The following NRG4 variants were observed in gnomAD, a reference collection of about 807,000 sequenced individuals.
The protein encoded by NRG4 is neuregulin 4.
NRG4 carries 10 observed loss-of-function variants against 15.0 expected under a neutral mutation model. That is an observed-to-expected ratio of 0.67 (90% CI 0.41 to 1.13). The LOEUF (loss-of-function observed/expected upper bound fraction) is 1.13, where lower values mean the gene tolerates loss of function less well. NRG4 is among the 50% of genes most tolerant of loss of function. NRG4 has a pLI of 0.00. For synonymous variants in NRG4, 41 were observed against 50.1 expected (o/e 0.82, Z 0.77); for missense variants, 139 against 140.2 (o/e 0.99, Z 0.04).
chr15:76,013,229 CA>C (rs1359644701), upstream of NRG4, among the ~76,000 whole-genome samples: 27 of 151,948 alleles, frequency 1.8e-4, no homozygotes, highest in Admixed American at 1.7e-3. Flanking sequence ...ACAATCTGTT[CA>C]TTAGGAGAAT....
chr15:75,957,213 T>G (rs2032283532), intron 4 of NRG4, among the ~76,000 whole-genome samples: 1 of 152,210 alleles, frequency 6.6e-6, no homozygotes, highest in Admixed American at 6.5e-5. Flanking sequence ...TAGTAATAGC[T>G]TTCTGTTCTT....
intron 3 of NRG4, among the ~76,000 whole-genome samples, chr15:75,962,739 G>A (rs1260900591): frequency 1.3e-5 from 2 of 152,112 alleles, no homozygotes; most frequent in Non-Finnish European, 2.9e-5. Flanking sequence ...AAAACACAGA[G>A]ATTGATATAA....
intron 2 of NRG4, among the ~76,000 whole-genome samples, chr15:76,055,868 A>G (rs1297447687): frequency 6.6e-6 from 1 of 152,248 alleles, no homozygotes; most frequent in African/African-American, 2.4e-5. Context: ...TAAATTCTCT[A>G]CAGATAATGA....
chr15:75,987,978 G>A (rs191097592), intron 3 of NRG4, among the ~76,000 whole-genome samples: 56 of 152,224 alleles, frequency 3.7e-4, no homozygotes, highest in African/African-American at 1.3e-3. Context: ...AATACAGACA[G>A]GTGTTCTAAT....
chr15:75,965,306 A>C (rs1346778967), intron 3 of NRG4, among the ~76,000 whole-genome samples: 1 of 152,186 alleles, frequency 6.6e-6, no homozygotes, highest in Non-Finnish European at 1.5e-5. Context: ...TTTGAGTTGG[A>C]AGGAGTCAAG....
chr15:76,033,431 A>G (rs1380695882), intron 5 of NRG4, among the ~76,000 whole-genome samples: 1 of 152,220 alleles, frequency 6.6e-6, no homozygotes, highest in Non-Finnish European at 1.5e-5. Flanking sequence ...CTTACTTCAT[A>G]TAACCATTAT....
chr15:76,001,830 T>C (rs2034426689), intron 3 of NRG4, among the ~76,000 whole-genome samples: 1 of 152,164 alleles, frequency 6.6e-6, no homozygotes. Context: ...GAACATATTA[T>C]CTATTTTAAA....
intron 3 of NRG4, among the ~76,000 whole-genome samples, chr15:75,978,083 C>T (rs977167933): frequency 6.6e-6 from 1 of 152,160 alleles, no homozygotes; most frequent in Non-Finnish European, 1.5e-5. Context: ...TCCCAAAGTG[C>T]TGGGATTACA....
chr15:75,961,581 G>A (rs935459918), intron 4 of NRG4, among the ~76,000 whole-genome samples: 19 of 152,162 alleles, frequency 1.2e-4, no homozygotes, highest in Admixed American at 3.9e-4. Context: ...GCTATAGTGA[G>A]TATGGGTTTA....
chr15:76,004,541 G>C (rs2034528364), intron 3 of NRG4, among the ~76,000 whole-genome samples: 2 of 151,178 alleles, frequency 1.3e-5, no homozygotes, highest in South Asian at 4.2e-4. Flanking sequence ...AGAGGTTGCA[G>C]TGGGCCGAGA....
upstream of NRG4, among the ~76,000 whole-genome samples, chr15:76,013,650 T>C (rs2034885486): frequency 6.6e-6 from 1 of 152,212 alleles, no homozygotes; most frequent in South Asian, 2.1e-4. Context: ...GCTTCATCCA[T>C]GGCCCTGCAA....
chr15:75,988,247 G>A (rs781401365), intron 3 of NRG4, among the ~76,000 whole-genome samples: 6 of 152,166 alleles, frequency 3.9e-5, no homozygotes, highest in South Asian at 2.1e-4. Flanking sequence ...GTGCAGTGGC[G>A]CGATCTCGGC....
At chr15:76,022,011 C>A (rs2035169995) in intron 5 of NRG4, among the ~76,000 whole-genome samples, 1 of 152,162 alleles carries the variant, frequency 6.6e-6, no homozygotes, top group Non-Finnish European at 1.5e-5. Flanking sequence ...GTGCAGTTCA[C>A]AATAGGGTCC....
intron 3 of NRG4, among the ~76,000 whole-genome samples, chr15:75,981,924 CA>C (rs1008863918): frequency 1.4e-3 from 210 of 147,030 alleles, no homozygotes; most frequent in African/African-American, 3.5e-3. Flanking sequence ...ATATAACTTA[CA>C]AAAAAAAAAT....
chr15:76,054,085 C>T lies in NRG4; in HGVS notation c.-261-1102G>A, dbSNP rs983243714. Among the ~76,000 whole-genome samples, 4 of 150,456 alleles carry T rather than the reference C, an allele frequency of 2.7e-5. 1 individual carries two copies. Among genetic ancestry groups the T allele is most frequent in the African/African-American group, 9.9e-5 (4 of 40,228 alleles). ...TAATATACTTAGAACATCTGACATC[C>T]AGAGGGATTTCTTTCTTTTTGAGAT... On this transcript the variant is annotated intron_variant, in intron 2 of 8. Coordinates refer to the NRG4 transcript ENST00000563910.
upstream of NRG4, among the ~76,000 whole-genome samples, chr15:76,012,747 AC>A (rs2034855864): frequency 6.6e-6 from 1 of 152,114 alleles, no homozygotes; most frequent in Non-Finnish European, 1.5e-5. Flanking sequence ...AATTAAAAAA[AC>A]ATTTTTTTAA....
downstream of NRG4, chr15:75,937,597 G>GAATGCCC (rs1404003347): frequency 4.8e-5 from 7 of 144,402 alleles, no homozygotes; most frequent in Non-Finnish European, 9.0e-5. Flanking sequence ...GCAACCAAAA[G>GAATGCCC]AATGCCCAAT....
intron 3 of NRG4, among the ~76,000 whole-genome samples, chr15:75,962,365 T>G (rs2032565274): frequency 6.6e-6 from 1 of 152,214 alleles, no homozygotes; most frequent in Non-Finnish European, 1.5e-5. Flanking sequence ...TAACTGGTTA[T>G]TCCAACCCCA....
intron 4 of NRG4, among the ~76,000 whole-genome samples, chr15:75,960,203 A>G (rs937336707): frequency 1.3e-5 from 2 of 152,222 alleles, no homozygotes; most frequent in Non-Finnish European, 2.9e-5. Context: ...AACTGGCACA[A>G]GAGTGATTAA....
Sources: gnomAD v4.1 joint callset for allele counts (sites outside exome capture counted in the v4.1 genomes callset) on GRCh38, gnomAD v4.1.1 for gene constraint, MANE v1.5 for transcripts, NCBI Gene and HGNC (gene_info 2026-07-23, HGNC 2026-07-21) for gene names.